The following RBM33 variants were observed in gnomAD, a reference collection of about 807,000 sequenced individuals.
RBM33 encodes RNA-binding protein 33.
Under a neutral mutation model 132.6 loss-of-function variants are expected in RBM33, and 28 were observed. The observed-to-expected ratio is 0.21, with a 90% CI of 0.16 to 0.29. The LOEUF is 0.29. Ranked by LOEUF, RBM33 falls within the 10% of genes least tolerant of loss-of-function variation. RBM33 has a pLI of 1.00. For missense variants in RBM33, 1,291 were observed against 1,518.5 expected, an observed-to-expected ratio of 0.85 and a Z score of 2.49; for synonymous variants, 634 against 593.0, an observed-to-expected ratio of 1.07 and a Z score of -1.01.
chr7:155,758,810 T>G (rs1050838806), intron 14 of RBM33, among the ~76,000 whole-genome samples: 1 of 152,008 alleles, frequency 6.6e-6, no homozygotes, highest in Non-Finnish European at 1.5e-5. Context: ...CTGAGGACAC[T>G]GTGGTGCACA....
rs766254197 is a variant in RBM33, at chr7:155,774,610, C to A, written c.3427C>A (p.Pro1143Thr). The change falls in exon 17 of 18, where the codon CCA becomes ACA. Residue 1143 changes from proline to threonine, a missense_variant. By Grantham distance (38) the Pro-to-Thr change is conservative (BLOSUM62 -1). Around this residue, in one of 7 missense-constraint regions of RBM33, gnomAD observed 55 missense variants for 101.4 expected, o/e 0.54. Transcript: ENST00000401878. This position sits in a 1 kb window ranked among gnomAD's most constrained non-coding sequence, Gnocchi z 4.2. ...GAAAGCCATAGCTAAGTTCAAGGAG[C>A]CAGCCCACGCATTAGCATTTCAGCA... ...QRKAIAKFKE[P>T]AHALAFQQKF... The A allele has an allele frequency of 1.2e-6, 2 of 1,613,918 alleles. No individual in the cohort carries two copies. Among genetic ancestry groups the A allele is most frequent in the South Asian group, 1.1e-5 (1 of 91,080 alleles).
intron 3 of RBM33, among the ~76,000 whole-genome samples, chr7:155,676,169 A>C (rs1305523119): frequency 1.3e-5 from 2 of 152,170 alleles, no homozygotes; most frequent in African/African-American, 4.8e-5. Flanking sequence ...GGAGGCGCAT[A>C]GTACTGAGAA....
intron 4 of RBM33, among the ~76,000 whole-genome samples, chr7:155,679,310 G>T (rs1563140638): frequency 6.6e-6 from 1 of 152,184 alleles, no homozygotes. Context: ...CGGATGGAGG[G>T]CAGTGGCTTG....
At chr7:155,716,332 T>TTTTTTTTTTTTTTTTTTA (rs1554477955) in intron 8 of RBM33, among the ~76,000 whole-genome samples, 5 of 149,936 alleles carry the variant, frequency 3.3e-5, no homozygotes, top group East Asian at 1.9e-4. Flanking sequence ...TTTTTTTTTT[T>TTTTTTTTTTTTTTTTTTA]AAATAGGGAA....
rs1248883067 is a variant in RBM33, at chr7:155,693,306, C to T, written c.568-7467C>T. ...GAAGGCAAAGAGCTAGAAGTTGCAT[C>T]TGTTTCACTCTTGTGATTTTTTTTT... is the stretch of plus-strand genomic sequence containing the variant. On this transcript the variant is annotated intron_variant, in intron 5 of 17. Coordinates refer to ENST00000401878, the MANE Select transcript of RBM33 (RefSeq NM_053043.3). 8.0e-5 allele frequency among the ~76,000 whole-genome samples: 12 copies of T among 150,230 alleles called. No individual in the cohort carries two copies. The Middle Eastern group carries it at 0.01, about 130-fold the overall frequency.
intron 9 of RBM33, among the ~76,000 whole-genome samples, chr7:155,734,808 T>C (rs1298772607): frequency 1.3e-5 from 2 of 152,150 alleles, no homozygotes; most frequent in East Asian, 3.8e-4. Context: ...TTGCGTGGGT[T>C]GGAAACAGTG....
chr7:155,697,603 G>T (rs755428376), intron 5 of RBM33, among the ~76,000 whole-genome samples: 1 of 152,028 alleles, frequency 6.6e-6, no homozygotes, highest in Non-Finnish European at 1.5e-5. Flanking sequence ...TGTGTGTGGT[G>T]TATGTGTTTC....
At chr7:155,702,740 G>A (rs1390865897) in intron 6 of RBM33, among the ~76,000 whole-genome samples, 1 of 152,192 alleles carries the variant, frequency 6.6e-6, no homozygotes, top group African/African-American at 2.4e-5. Context: ...TTCCTGAACT[G>A]GGGAGGGATG....
At chr7:155,669,416 G>T (rs1169749489) in intron 2 of RBM33, among the ~76,000 whole-genome samples, 1 of 152,090 alleles carries the variant, frequency 6.6e-6, no homozygotes, top group Non-Finnish European at 1.5e-5. Flanking sequence ...GCAGTGGTGC[G>T]ATATCAGCTC....
chr7:155,711,113 T>A (rs1800273807), intron 7 of RBM33, 90 bp from the exon 8 acceptor site: 12 of 1,413,840 alleles, frequency 8.5e-6, no homozygotes, highest in Non-Finnish European at 1.0e-5. Flanking sequence ...TTGTAACACA[T>A]CAGCATTCTT....
In RBM33 at chr7:155,665,093, A is replaced by G. The variant is rs539690164; in HGVS notation, c.44-82A>G. The G allele has an allele frequency of 1.7e-4, 204 of 1,171,114 alleles. 1 individual carries two copies. The highest frequency in any genetic ancestry group is 1.3e-3 in the South Asian group (100 of 76,976). The allele number at this position is 1,171,114 out of a possible 1,614,324, so 72.5% of individuals were successfully genotyped here. A position where few individuals can be genotyped will look rare whatever the true frequency, so the allele number is the denominator to read the frequency against. On this transcript the variant is annotated intron_variant, in intron 1 of 17. Coordinates refer to ENST00000401878, the MANE Select transcript of RBM33 (RefSeq NM_053043.3). ...AAAATGTCAAGTCAGGAATCCTTAA[A>G]AAAGTTGTTTTAGTGTTTGAATTAT...
At chr7:155,769,858 G>T (rs1411747008) in intron 16 of RBM33, among the ~76,000 whole-genome samples, 1 of 152,234 alleles carries the variant, frequency 6.6e-6, no homozygotes, top group Non-Finnish European at 1.5e-5. Context: ...GAACAGATGT[G>T]TGTGGGCACA....
chr7:155,738,668 A>C (rs1801212581), intron 11 of RBM33: 1 of 428,162 alleles, frequency 2.3e-6, no homozygotes, highest in Non-Finnish European at 4.1e-6. Flanking sequence ...ACTACTAATA[A>C]AATTAGGACA....
intron 2 of RBM33, among the ~76,000 whole-genome samples, chr7:155,667,848 G>A (rs945000516): frequency 6.6e-6 from 1 of 151,990 alleles, no homozygotes. Flanking sequence ...TTGATTTTTA[G>A]TTACTAACAA....
At chr7:155,660,946 T>C (rs1029611875) in intron 1 of RBM33, among the ~76,000 whole-genome samples, 3 of 152,032 alleles carry the variant, frequency 2.0e-5, no homozygotes, top group African/African-American at 7.2e-5. Flanking sequence ...TTCTGTTCTT[T>C]GGATTATGTC....
intron 9 of RBM33, among the ~76,000 whole-genome samples, chr7:155,726,576 CA>C (rs1222271293): frequency 2.6e-5 from 4 of 152,116 alleles, no homozygotes; most frequent in African/African-American, 7.2e-5. Context: ...TCTTTTCTTT[CA>C]AAAGGTAGAA....
chr7:155,765,297 CTAGT>C (rs1443551435), intron 15 of RBM33, among the ~76,000 whole-genome samples: 15 of 152,200 alleles, frequency 9.9e-5, no homozygotes, highest in Admixed American at 6.5e-5. Context: ...GAACAGAAGA[CTAGT>C]TAGTTACTAC....
chr7:155,742,167 G>C, intron 13 of RBM33, 61 bp downstream of exon 13: 1 of 1,452,368 alleles, frequency 6.9e-7, no homozygotes, highest in African/African-American at 1.4e-5. Context: ...GAATCAACTT[G>C]GATGTCTTAG....
chr7:155,668,247 T>C (rs1273655465), intron 2 of RBM33, among the ~76,000 whole-genome samples: 3 of 152,206 alleles, frequency 2.0e-5, no homozygotes, highest in Non-Finnish European at 4.4e-5. Flanking sequence ...TGTGTGCTTT[T>C]TGATGGTTTG....
Sources: allele counts gnomAD v4.1 joint callset (sites outside exome capture counted in the v4.1 genomes callset), GRCh38; gene constraint gnomAD v4.1.1; regional missense constraint gnomAD v4.1.1; non-coding constraint Gnocchi (gnomAD v3.1); transcripts MANE v1.5; gene names NCBI Gene and HGNC (gene_info 2026-07-23, HGNC 2026-07-21).